Variants in PRKCZ observed in about 807,000 individuals in gnomAD.
The protein encoded by PRKCZ is protein kinase C zeta type.
A neutral mutation model predicts 79.5 loss-of-function variants in PRKCZ; 33 were observed. That is an observed-to-expected ratio of 0.41 (90% CI 0.31 to 0.55). The LOEUF (loss-of-function observed/expected upper bound fraction) is 0.55. PRKCZ is among the 20% of genes least tolerant of loss of function. PRKCZ has a pLI of 0.19. For synonymous variants in PRKCZ, 342 were observed against 320.9 expected (o/e 1.07, Z -0.70); for missense variants, 578 against 813.5 (o/e 0.71, Z 3.52).
At chr1:2,059,389 G>T (rs553264144) in intron 3 of PRKCZ, 152 bp from the exon 4 acceptor site, 2 of 885,878 alleles carry the variant, frequency 2.3e-6, no homozygotes, top group South Asian at 3.0e-5. Context: ...ACGGGGTTTT[G>T]CGTCTCCCAG....
intron 5 of PRKCZ, chr1:2,142,887 T>C (rs1261243275): frequency 6.6e-6 from 1 of 152,500 alleles, no homozygotes; most frequent in Non-Finnish European, 1.5e-5. Context: ...TGGACCCCCT[T>C]TGCTCAGCCG....
At position 2,078,824 on chromosome 1, in the gene PRKCZ, T is replaced by C. The variant is rs533507032; in HGVS notation, c.334+19233T>C. Among the ~76,000 whole-genome samples the C allele has an allele frequency of 7.2e-4, 109 of 152,004 alleles. 3 individuals carry two copies. The South Asian group carries it at 0.022, about 31-fold the overall frequency. On this transcript the variant is annotated intron_variant, in intron 4 of 17. Transcript: ENST00000378567. ...CCTTGTTCCCGTTCTTGTCTTTCGA[T>C]CTTTTTTCTCTGAAGGTGGCTTTTT...
At chr1:2,164,634 G>A (rs1682976684) in intron 10 of PRKCZ, among the ~76,000 whole-genome samples, 1 of 152,202 alleles carries the variant, frequency 6.6e-6, no homozygotes, top group Non-Finnish European at 1.5e-5. Context: ...AAAACCATGA[G>A]CGTTCCCTGC....
At chr1:2,064,307 C>G (rs573018595) in intron 4 of PRKCZ, among the ~76,000 whole-genome samples, 1 of 152,138 alleles carries the variant, frequency 6.6e-6, no homozygotes, top group Non-Finnish European at 1.5e-5. Flanking sequence ...TCTTCTCCTG[C>G]TTTGTGGGTT....
In PRKCZ at chr1:2,055,534, G is replaced by A. The variant is rs765767569; in HGVS notation, c.165G>A (p.Pro55=). Residue 55 remains proline (P), a synonymous_variant, in exon 2 of 18, where the codon CCG becomes CCA. Coordinates refer to ENST00000378567, the MANE Select transcript of PRKCZ (RefSeq NM_002744.6). Reference sequence around the variant, plus strand: ...TGTGTCGTCTGCACCAGCAGCACCCGCTCACCCTCAAGTGGGTGGACAGCG... The same window carrying A: ...TGTGTCGTCTGCACCAGCAGCACCCACTCACCCTCAAGTGGGTGGACAGCG... ...RDMCRLHQQH[P]LTLKWVDSEG... 1.1e-5 allele frequency: 17 copies of A among 1,613,910 alleles called. No homozygotes were observed. Among genetic ancestry groups the A allele is most frequent in the East Asian group, 4.5e-5 (2 of 44,890 alleles).
chr1:2,085,836 C>T lies in PRKCZ; in HGVS notation c.334+26245C>T, dbSNP rs1265362940. On this transcript the variant is annotated intron_variant, in intron 4 of 17. Transcript: ENST00000378567. ...ATATGGGGGGCCCGGGCCCGGCTCCCCTCTCACAGGCAGGTCTGCACTCAT... is the reference window on the plus strand; with the variant it reads ...ATATGGGGGGCCCGGGCCCGGCTCCTCTCTCACAGGCAGGTCTGCACTCAT... 3.3e-5 allele frequency among the ~76,000 whole-genome samples: 5 copies of T among 152,274 alleles called. No individual in the cohort carries two copies. The East Asian group carries it at 7.8e-4, about 24-fold the overall frequency.
At chr1:2,065,603 C>T (rs941491291) in intron 4 of PRKCZ, among the ~76,000 whole-genome samples, 2 of 148,476 alleles carry the variant, frequency 1.3e-5, no homozygotes, top group Non-Finnish European at 1.5e-5. Context: ...AGCCTGAACC[C>T]GGGAGGCAGA....
intron 4 of PRKCZ, among the ~76,000 whole-genome samples, chr1:2,100,894 A>AGG (rs1667325000): frequency 3.9e-5 from 6 of 152,004 alleles, no homozygotes; most frequent in Admixed American, 3.3e-4. Flanking sequence ...CTGAGGTGTG[A>AGG]GGGAGGCTGT....
At chr1:2,170,310 G>C (rs919066594) in intron 11 of PRKCZ, among the ~76,000 whole-genome samples, 1 of 152,166 alleles carries the variant, frequency 6.6e-6, no homozygotes, top group African/African-American at 2.4e-5. Flanking sequence ...AGGACCGTTT[G>C]GGGGCTTATT....
intron 16 of PRKCZ, among the ~76,000 whole-genome samples, chr1:2,176,972 G>A (rs541931506): frequency 2.6e-5 from 4 of 152,332 alleles, no homozygotes; most frequent in African/African-American, 7.2e-5. Context: ...CACCTGCCAC[G>A]GAATCACCTT....
intron 10 of PRKCZ, among the ~76,000 whole-genome samples, chr1:2,159,815 G>A (rs1681853626): frequency 6.6e-6 from 1 of 152,180 alleles, no homozygotes; most frequent in Non-Finnish European, 1.5e-5. Flanking sequence ...CCAGACAGCA[G>A]CCAAAATTGA....
chr1:2,055,811 T>G, intron 2 of PRKCZ: 1 of 465,430 alleles, frequency 2.1e-6, no homozygotes, highest in Non-Finnish European at 3.8e-6. Flanking sequence ...GGGGTCTCCC[T>G]GCCCCACCCT....
intron 4 of PRKCZ, among the ~76,000 whole-genome samples, chr1:2,072,027 C>T (rs1352733936): frequency 6.6e-6 from 1 of 152,220 alleles, no homozygotes; most frequent in Non-Finnish European, 1.5e-5. Flanking sequence ...CGTAGAAATC[C>T]TAGCTTGCTG....
chr1:2,079,178 GT>G (rs1177707893), intron 4 of PRKCZ, among the ~76,000 whole-genome samples: 1 of 152,226 alleles, frequency 6.6e-6, no homozygotes, highest in Admixed American at 6.5e-5. Flanking sequence ...CCCTGCCCTT[GT>G]GTCAAAGGCA....
At chr1:2,117,820 T>G (rs1051857217) in intron 4 of PRKCZ, among the ~76,000 whole-genome samples, 1 of 152,110 alleles carries the variant, frequency 6.6e-6, no homozygotes, top group Non-Finnish European at 1.5e-5. Flanking sequence ...TCTCCTTTAT[T>G]CTGTTCATAC....
intron 1 of PRKCZ, among the ~76,000 whole-genome samples, chr1:2,054,875 T>C (rs944814008): frequency 7.2e-5 from 11 of 152,070 alleles, no homozygotes; most frequent in Admixed American, 2.0e-4. Flanking sequence ...TCTCCCATTT[T>C]GTCCTCATTC....
intron 10 of PRKCZ, among the ~76,000 whole-genome samples, chr1:2,162,295 C>T (rs262650): frequency 0.24 from 36,449 of 152,052 alleles, 4,912 homozygotes; most frequent in Admixed American, 0.33. Flanking sequence ...CCACACCCAG[C>T]TAATCTTTGT....
chr1:2,174,846 C>T lies in PRKCZ; in HGVS notation c.1485+13C>T. 6.2e-7 allele frequency: 1 copy of T among 1,611,808 alleles called. No individual in the cohort carries two copies. Among genetic ancestry groups the T allele is most frequent in the Non-Finnish European group, 8.5e-7 (1 of 1,177,958 alleles). On this transcript the variant is annotated intron_variant, in intron 15 of 17. Transcript: ENST00000378567. This position sits in a 1 kb window ranked among gnomAD's most constrained non-coding sequence, Gnocchi z 6.2. The stretch of plus-strand genomic sequence containing the variant: ...ATTTTTAAATAAGGTACGTTTCTGG[C>T]CATGCTGACAAAATCTCGTTTGTGG...
intron 4 of PRKCZ, among the ~76,000 whole-genome samples, chr1:2,107,949 CTGG>C (rs1668909065): frequency 2.0e-5 from 3 of 151,114 alleles, no homozygotes; most frequent in South Asian, 4.2e-4. Flanking sequence ...AAGGGAGCCC[CTGG>C]CAGTGTCAAG....
Sources: gnomAD v4.1 joint callset for allele counts (sites outside exome capture counted in the v4.1 genomes callset) on GRCh38, gnomAD v4.1.1 for gene constraint, Gnocchi (gnomAD v3.1) non-coding constraint, MANE v1.5 for transcripts, NCBI Gene and HGNC (gene_info 2026-07-23, HGNC 2026-07-21) for gene names.